PRRX1: variants seen among roughly 807,000 people sequenced by gnomAD.
The protein encoded by PRRX1 is paired related homeobox 1, also known as paired mesoderm homeobox protein 1.
Under a neutral mutation model 24.0 loss-of-function variants are expected in PRRX1, and 8 were observed. The observed-to-expected ratio is 0.33, with a 90% CI of 0.20 to 0.60. PRRX1 has a LOEUF of 0.60. PRRX1 is among the 20% of genes least tolerant of loss of function. The pLI, the probability that PRRX1 is intolerant of heterozygous loss-of-function variation, is 0.82. For synonymous variants in PRRX1, 160 were observed against 131.7 expected, an observed-to-expected ratio of 1.22 and a Z score of -1.47; for missense variants, 281 against 322.4, an observed-to-expected ratio of 0.87 and a Z score of 0.98.
At chr1:170,722,013 G>A (rs1655101163) in intron 2 of PRRX1, among the ~76,000 whole-genome samples, 1 of 151,932 alleles carries the variant, frequency 6.6e-6, no homozygotes, top group Non-Finnish European at 1.5e-5. Flanking sequence ...TTGGGGTTGG[G>A]GGACTGTCTT....
At chr1:170,728,677 T>C (rs1048214411) in intron 3 of PRRX1, 4 of 152,196 alleles carry the variant, frequency 2.6e-5, no homozygotes, top group Admixed American at 1.3e-4. Context: ...AGAAAAGTGA[T>C]GTTAAAACAA....
chr1:170,723,245 T>C (rs1374405585), intron 2 of PRRX1, among the ~76,000 whole-genome samples: 1 of 152,220 alleles, frequency 6.6e-6, no homozygotes, highest in East Asian at 1.9e-4. Flanking sequence ...CCCTTCATGC[T>C]GCACAGCTCT....
intron 1 of PRRX1, among the ~76,000 whole-genome samples, chr1:170,712,124 T>C (rs1654771324): frequency 6.6e-6 from 1 of 152,208 alleles, no homozygotes; most frequent in Admixed American, 6.5e-5. Flanking sequence ...AGCTAATTTC[T>C]AGTGAGACTA....
At chr1:170,727,105 G>A (rs1258271638) in intron 3 of PRRX1, 1 of 151,950 alleles carries the variant, frequency 6.6e-6, no homozygotes, top group African/African-American at 2.4e-5. Context: ...GTGTGTGCGT[G>A]TGTGTGTGTG....
chr1:170,724,072 A>G (rs1242901292), intron 2 of PRRX1, among the ~76,000 whole-genome samples: 1 of 152,216 alleles, frequency 6.6e-6, no homozygotes, highest in Non-Finnish European at 1.5e-5. Flanking sequence ...GTGTGCTTAT[A>G]TAAGTTCCTA....
intron 2 of PRRX1, among the ~76,000 whole-genome samples, chr1:170,723,666 C>T (rs189722847): frequency 6.1e-4 from 93 of 152,324 alleles, no homozygotes; most frequent in African/African-American, 2.0e-3. Context: ...CAATGCTTAA[C>T]AATGGGGATC....
intron 1 of PRRX1, among the ~76,000 whole-genome samples, chr1:170,672,972 G>A (rs917591653): frequency 6.6e-6 from 1 of 152,108 alleles, no homozygotes; most frequent in African/African-American, 2.4e-5. Flanking sequence ...AGGCCACAGA[G>A]GTCTCCTAAA....
intron 1 of PRRX1, among the ~76,000 whole-genome samples, chr1:170,713,279 G>T (rs1392255582): frequency 4.6e-5 from 7 of 152,102 alleles, no homozygotes; most frequent in African/African-American, 1.7e-4. Context: ...TAATGCGGTG[G>T]GGTGGGGAGA....
intron 1 of PRRX1, among the ~76,000 whole-genome samples, chr1:170,678,560 T>C (rs1337030541): frequency 6.6e-6 from 1 of 152,234 alleles, no homozygotes; most frequent in African/African-American, 2.4e-5. Context: ...AGCATTCTGA[T>C]ATACGGAAAA....
chr1:170,735,480 A>G (rs1264423679), intron 3 of PRRX1, among the ~76,000 whole-genome samples: 3 of 152,238 alleles, frequency 2.0e-5, no homozygotes, highest in South Asian at 2.1e-4. Flanking sequence ...TGGTGCTATC[A>G]ACCAGTAAAT....
intron 1 of PRRX1, among the ~76,000 whole-genome samples, chr1:170,674,458 C>G (rs190975200): frequency 6.6e-6 from 1 of 152,198 alleles, no homozygotes; most frequent in South Asian, 2.1e-4. Flanking sequence ...CACCTCCTTG[C>G]GAAACCTTCT....
At chr1:170,735,206 T>C (rs2101928719) in intron 3 of PRRX1, among the ~76,000 whole-genome samples, 1 of 152,358 alleles carries the variant, frequency 6.6e-6, no homozygotes, top group South Asian at 2.1e-4. Flanking sequence ...CAATGATAAA[T>C]TTCTGCCTAG....
At chr1:170,726,194 C>T (rs1324444814) in intron 2 of PRRX1, 26 bp from the exon 3 acceptor site, 1 of 1,605,346 alleles carries the variant, frequency 6.2e-7, no homozygotes, top group South Asian at 1.1e-5. Flanking sequence ...TTCCTTATGC[C>T]TTCTTGCCTC....
chr1:170,692,533 T>TA (rs976855526), intron 1 of PRRX1, among the ~76,000 whole-genome samples: 1 of 151,850 alleles, frequency 6.6e-6, no homozygotes, highest in Non-Finnish European at 1.5e-5. Context: ...TTTTTTTTTT[T>TA]AAATTCAGGC....
At chr1:170,702,874 A>T (rs900540054) in intron 1 of PRRX1, among the ~76,000 whole-genome samples, 1 of 152,192 alleles carries the variant, frequency 6.6e-6, no homozygotes, top group South Asian at 2.1e-4. Flanking sequence ...GGATGGGTAG[A>T]TCTATGCAAT....
chr1:170,681,686 A>G lies in PRRX1; in HGVS notation c.241+17227A>G, dbSNP rs77384222. Among the ~76,000 whole-genome samples, 540 of 152,262 alleles carry G rather than the reference A, an allele frequency of 3.5e-3. 3 individuals carry two copies. Among genetic ancestry groups the G allele is most frequent in the African/African-American group, 0.012 (518 of 41,554 alleles). ...TTTTGACCATGGTCCTTCCAAAAGT[A>G]TGGCCTTGAACATGCCACCCAGCCC... On this transcript the variant is annotated intron_variant, in intron 1 of 3. Transcript: ENST00000239461.
intron 2 of PRRX1, among the ~76,000 whole-genome samples, 165 bp downstream of exon 2, chr1:170,720,066 G>A (rs761678218): frequency 2.6e-5 from 4 of 152,094 alleles, no homozygotes; most frequent in Non-Finnish European, 5.9e-5. Flanking sequence ...TCAGGAGTTC[G>A]AAACCAGCCT....
At chr1:170,723,309 C>T (rs1655148699) in intron 2 of PRRX1, among the ~76,000 whole-genome samples, 1 of 151,110 alleles carries the variant, frequency 6.6e-6, no homozygotes, top group Non-Finnish European at 1.5e-5. Flanking sequence ...TCGAGCTGTA[C>T]AACTGCTCAC....
At chr1:170,676,173 G>C (rs1343751571) in intron 1 of PRRX1, among the ~76,000 whole-genome samples, 1 of 152,128 alleles carries the variant, frequency 6.6e-6, no homozygotes, top group Non-Finnish European at 1.5e-5. Flanking sequence ...ATATTTCAAA[G>C]ACTGAATCCC....
Sources: allele counts gnomAD v4.1 joint callset (sites outside exome capture counted in the v4.1 genomes callset), GRCh38; gene constraint gnomAD v4.1.1; transcripts MANE v1.5; gene names NCBI Gene and HGNC (gene_info 2026-07-23, HGNC 2026-07-21).